The following ERBB4 variants were observed in gnomAD, a reference collection of about 807,000 sequenced individuals.
ERBB4 encodes the protein erb-b2 receptor tyrosine kinase 4, also known as receptor tyrosine-protein kinase erbB-4.
In ERBB4, 42 loss-of-function variants were observed where a neutral mutation model predicts 158.0. The observed-to-expected ratio is 0.27, with a 90% CI of 0.21 to 0.34. The LOEUF (loss-of-function observed/expected upper bound fraction) is 0.34, where lower values mean the gene tolerates loss of function less well. Among genes scored for constraint, ERBB4 ranks in the 10% least tolerant of loss-of-function variants. The pLI is 1.00. For synonymous variants in ERBB4, 583 were observed against 558.7 expected, an observed-to-expected ratio of 1.04 and a Z score of -0.61; for missense variants, 1,333 against 1,624.1, an observed-to-expected ratio of 0.82 and a Z score of 3.08.
At chr2:211,386,810 G>T in intron 27 of ERBB4, 43 bp downstream of exon 27, 1 of 1,595,970 alleles carries the variant, frequency 6.3e-7, no homozygotes, top group Non-Finnish European at 8.6e-7. Flanking sequence ...CTTGATGGAA[G>T]TGAACTTCGA....
At chr2:211,656,273 T>C (rs1263440722) in intron 16 of ERBB4, among the ~76,000 whole-genome samples, 2 of 152,210 alleles carry the variant, frequency 1.3e-5, no homozygotes, top group African/African-American at 4.8e-5. Flanking sequence ...TTTACAATTA[T>C]GTTTTGTGTA....
intron 2 of ERBB4, among the ~76,000 whole-genome samples, chr2:212,097,039 C>A (rs377549682): frequency 3.9e-5 from 6 of 152,080 alleles, no homozygotes; most frequent in African/African-American, 1.4e-4. Context: ...TTCATTTGGA[C>A]AAAGCTTAAT....
At chr2:211,982,836 T>C (rs1215421944) in intron 2 of ERBB4, among the ~76,000 whole-genome samples, 2 of 152,220 alleles carry the variant, frequency 1.3e-5, no homozygotes, top group African/African-American at 2.4e-5. Flanking sequence ...AAAAAGATGA[T>C]TATAAATGTT....
chr2:211,668,732 G>C (rs185719000), intron 14 of ERBB4, among the ~76,000 whole-genome samples: 2 of 152,162 alleles, frequency 1.3e-5, no homozygotes, highest in Admixed American at 6.5e-5. Flanking sequence ...ATAAGATATG[G>C]CTTAATTTGC....
Position 212,390,592 on chromosome 2 carries a change from A to G in ERBB4, c.82+147857T>C, listed in dbSNP as rs541408825. On this transcript the variant is annotated intron_variant, in intron 1 of 27. Transcript: ENST00000342788. ...AAGGAAAGCTATGCTATGTCCTTCAATATATAATGAGGGATTACAAAATGT... is the reference window on the plus strand; with the variant it reads ...AAGGAAAGCTATGCTATGTCCTTCAGTATATAATGAGGGATTACAAAATGT... 3.3e-5 allele frequency among the ~76,000 whole-genome samples: 5 copies of G among 151,940 alleles called. No individual in the cohort carries two copies. The South Asian group carries it at 1.0e-3, about 31-fold the overall frequency.
At chr2:212,379,682 T>C (rs2090439422) in intron 1 of ERBB4, among the ~76,000 whole-genome samples, 2 of 151,506 alleles carry the variant, frequency 1.3e-5, no homozygotes, top group East Asian at 1.9e-4. Context: ...GAAATTATCA[T>C]AACAAAATAA....
intron 3 of ERBB4, among the ~76,000 whole-genome samples, chr2:211,837,252 A>C (rs995114554): frequency 6.6e-5 from 10 of 152,086 alleles, no homozygotes; most frequent in Non-Finnish European, 1.3e-4. Flanking sequence ...TGACTTGAAG[A>C]GTTTCCACCA....
At chr2:211,773,619 TATATA>T (rs2075779213) in intron 4 of ERBB4, among the ~76,000 whole-genome samples, 1 of 58,052 alleles carries the variant, frequency 1.7e-5, no homozygotes, top group Non-Finnish European at 3.5e-5. Context: ...TATATATATA[TATATA>T]TATATATATA....
At chr2:211,794,544 C>G (rs371225977) in intron 3 of ERBB4, among the ~76,000 whole-genome samples, 2 of 151,786 alleles carry the variant, frequency 1.3e-5, no homozygotes, top group Non-Finnish European at 2.9e-5. Context: ...TAGAACATGA[C>G]CAACTTTTGT....
chr2:211,644,082 A>T (rs1163990904), intron 16 of ERBB4, among the ~76,000 whole-genome samples: 1 of 152,012 alleles, frequency 6.6e-6, no homozygotes, highest in African/African-American at 2.4e-5. Context: ...TAACCCAAGG[A>T]AAAAATGAGA....
At chr2:211,903,098 A>C (rs1455040032) in intron 3 of ERBB4, among the ~76,000 whole-genome samples, 1 of 151,754 alleles carries the variant, frequency 6.6e-6, no homozygotes, top group Non-Finnish European at 1.5e-5. Context: ...TAAGTAACTT[A>C]AAATAAGTCT....
At chr2:211,900,561 G>T (rs575600737) in intron 3 of ERBB4, among the ~76,000 whole-genome samples, 6 of 151,900 alleles carry the variant, frequency 3.9e-5, no homozygotes, top group African/African-American at 1.4e-4. Context: ...TGAAAAGCGG[G>T]TCCTTCAAAG....
chr2:211,453,665 A>T (rs1443628300), intron 20 of ERBB4, among the ~76,000 whole-genome samples: 1 of 152,172 alleles, frequency 6.6e-6, no homozygotes, highest in East Asian at 1.9e-4. Flanking sequence ...TTATAAATCA[A>T]TACTATTATC....
intron 12 of ERBB4, among the ~76,000 whole-genome samples, chr2:211,692,977 G>A (rs1449285901): frequency 6.6e-6 from 1 of 152,168 alleles, no homozygotes; most frequent in Non-Finnish European, 1.5e-5. Flanking sequence ...TGGGGAAGCA[G>A]CAGTGGAGAA....
intron 1 of ERBB4, among the ~76,000 whole-genome samples, chr2:212,196,805 A>C (rs557101126): frequency 2.0e-5 from 3 of 152,238 alleles, no homozygotes; most frequent in Admixed American, 6.6e-5. Context: ...AGCTAAACTA[A>C]ATGTTGAATA....
At chr2:211,756,898 T>A (rs1282152757) in intron 4 of ERBB4, among the ~76,000 whole-genome samples, 1 of 152,240 alleles carries the variant, frequency 6.6e-6, no homozygotes, top group Non-Finnish European at 1.5e-5. Flanking sequence ...CAGTCTCTCA[T>A]GTCTTAGAGT....
chr2:212,124,768 T>C lies in ERBB4; in HGVS notation c.218A>G (p.Asp73Gly), dbSNP rs774895831. ...LEITSIEHNR[D>G]LSFLRSVREV... ...CAGCTTTACCCGCAGGAAGGAGAGG[T>C]CCCGGTTGTGCTCAATGCTGGTTAT... Residue 73 changes from aspartate (D) to glycine (G), a missense_variant, in exon 2 of 28, where the codon GAC becomes GGC. Physicochemically the swap from Asp to Gly is moderately conservative, Grantham distance 94 (BLOSUM62 -1). This residue lies in a region of ERBB4 where 438 missense variants were observed against 586.9 expected (regional missense o/e 0.75). Coordinates refer to ENST00000342788, the MANE Select transcript of ERBB4 (RefSeq NM_005235.3). 2.5e-6 allele frequency: 4 copies of C among 1,613,936 alleles called. No individual in the cohort carries two copies. In the South Asian group the frequency reaches 3.3e-5, roughly 13 times the overall value.
At chr2:211,930,745 C>G (rs972651252) in intron 3 of ERBB4, among the ~76,000 whole-genome samples, 6 of 152,094 alleles carry the variant, frequency 3.9e-5, no homozygotes, top group African/African-American at 1.4e-4. Context: ...TAAATTAGAT[C>G]TTAGCCAATT....
At chr2:211,522,894 G>A (rs966585633) in intron 20 of ERBB4, among the ~76,000 whole-genome samples, 1 of 151,886 alleles carries the variant, frequency 6.6e-6, no homozygotes, top group Admixed American at 6.6e-5. Flanking sequence ...TTCATGACTT[G>A]CTTTATTACA....
Sources: allele counts gnomAD v4.1 joint callset (sites outside exome capture counted in the v4.1 genomes callset), GRCh38; gene constraint gnomAD v4.1.1; regional missense constraint gnomAD v4.1.1; transcripts MANE v1.5; gene names NCBI Gene and HGNC (gene_info 2026-07-23, HGNC 2026-07-21).